Variants in CNTLN observed in about 807,000 individuals in gnomAD.
CNTLN encodes the protein centlein, centrosomal protein.
CNTLN carries 212 observed loss-of-function variants against 180.0 expected under a neutral mutation model. The observed-to-expected ratio is 1.18, with a 90% CI of 1.05 to 1.32. The LOEUF (loss-of-function observed/expected upper bound fraction) is 1.32, where lower values mean the gene tolerates loss of function less well. CNTLN is among the 40% of genes most tolerant of loss of function. The probability of loss-of-function intolerance (pLI) is 0.00; values close to 1 mark genes in which losing one functional copy is unlikely to be tolerated. For missense variants in CNTLN, 2,095 were observed against 1,610.9 expected (o/e 1.30, Z -5.14); for synonymous variants, 722 against 563.1 (o/e 1.28, Z -3.99).
intron 18 of CNTLN, among the ~76,000 whole-genome samples, chr9:17,423,367 G>A (rs1049524506): frequency 6.6e-6 from 1 of 152,102 alleles, no homozygotes; most frequent in Non-Finnish European, 1.5e-5. Context: ...GCTAGGGCCT[G>A]GAATCTGGGG....
At chr9:17,304,738 A>C (rs1818591418) in intron 7 of CNTLN, among the ~76,000 whole-genome samples, 1 of 152,192 alleles carries the variant, frequency 6.6e-6, no homozygotes. Context: ...AATAAAAATT[A>C]ATAAGAAAAA....
chr9:17,139,671 AG>A (rs1817954711), intron 1 of CNTLN, among the ~76,000 whole-genome samples: 1 of 151,664 alleles, frequency 6.6e-6, no homozygotes, highest in African/African-American at 2.4e-5. Context: ...AAAAAAAAAA[AG>A]GAATTTTATA....
intron 18 of CNTLN, among the ~76,000 whole-genome samples, chr9:17,432,527 AAAG>A (rs1404071440): frequency 1.3e-5 from 2 of 152,168 alleles, no homozygotes; most frequent in East Asian, 1.9e-4. Flanking sequence ...ATGAAGGGAA[AAAG>A]AAGGTCTGTC....
chr9:17,251,554 T>C (rs928961992), intron 5 of CNTLN, among the ~76,000 whole-genome samples: 2 of 152,062 alleles, frequency 1.3e-5, no homozygotes, highest in Middle Eastern at 3.4e-3. Flanking sequence ...TTCAGTTGTA[T>C]TTTTCAGCTC....
At chr9:17,279,599 T>C (rs559510488) in intron 6 of CNTLN, among the ~76,000 whole-genome samples, 101 of 151,708 alleles carry the variant, frequency 6.7e-4, no homozygotes, top group Admixed American at 2.2e-3. Context: ...GAAGAAGCCA[T>C]AGATCTTTGT....
At chr9:17,492,166 T>G (rs1001788144) in intron 25 of CNTLN, among the ~76,000 whole-genome samples, 1 of 152,094 alleles carries the variant, frequency 6.6e-6, no homozygotes, top group Non-Finnish European at 1.5e-5. Context: ...GTAAGCCTAC[T>G]TTCGTATCAC....
rs370567711 is a variant in CNTLN at position 17,135,266 on chromosome 9, A to G, written c.201A>G (p.Arg67=). The G allele has an allele frequency of 2.2e-4, 360 of 1,602,510 alleles. 1 individual carries two copies. Among genetic ancestry groups the G allele is most frequent in the Middle Eastern group, 5.0e-4 (3 of 6,040 alleles). The change falls in exon 1 of 26, where the codon CGA becomes CGG. Residue 67 remains arginine, a synonymous_variant. Transcript: ENST00000380647. The stretch of plus-strand genomic sequence containing the variant: ...GTGAAGAAGGGTCAGGGGGCCGGCG[A>G]GGGCCTGGGGGGGCAGCTCCGGCTC... The part of the protein sequence containing the change: ...WVGEEGSGGR[R]GPGGAAPAHA...
chr9:17,449,772 A>C (rs191228219), intron 18 of CNTLN, among the ~76,000 whole-genome samples: 1 of 152,338 alleles, frequency 6.6e-6, no homozygotes, highest in East Asian at 1.9e-4. Context: ...AGTTATTCAG[A>C]TTATTTTGAA....
intron 12 of CNTLN, among the ~76,000 whole-genome samples, chr9:17,357,621 C>CATAT (rs10668396): frequency 5.9e-4 from 86 of 146,060 alleles, no homozygotes; most frequent in Middle Eastern, 3.6e-3. Context: ...ATAAATACTA[C>CATAT]ATATATATAT....
At chr9:17,523,389 A>G in the CNTLN span, among the ~76,000 whole-genome samples, 4 of 152,132 alleles carry the variant, frequency 2.6e-5, no homozygotes, top group African/African-American at 9.6e-5. Context: ...GGTGTCCACC[A>G]CCACACCTGT....
chr9:17,219,151 C>T (rs1823961973), intron 2 of CNTLN, among the ~76,000 whole-genome samples: 1 of 151,956 alleles, frequency 6.6e-6, no homozygotes, highest in Non-Finnish European at 1.5e-5. Flanking sequence ...TCTTCGCTCA[C>T]ATCATTATTG....
chr9:17,247,609 G>C (rs1825868972), intron 5 of CNTLN, among the ~76,000 whole-genome samples: 1 of 152,150 alleles, frequency 6.6e-6, no homozygotes, highest in Admixed American at 6.5e-5. Context: ...TTGCTCACCT[G>C]AGTTTTGGTT....
intron 25 of CNTLN, among the ~76,000 whole-genome samples, chr9:17,490,744 A>G (rs1436339064): frequency 6.6e-6 from 1 of 152,066 alleles, no homozygotes; most frequent in Non-Finnish European, 1.5e-5. Flanking sequence ...TCTCCACTTA[A>G]AACAGTTAAC....
intron 6 of CNTLN, among the ~76,000 whole-genome samples, chr9:17,285,351 T>A (rs62558326): frequency 6.7e-6 from 1 of 148,308 alleles, no homozygotes; most frequent in Non-Finnish European, 1.5e-5. Flanking sequence ...TTTTTATGGC[T>A]GCATAGTATT....
chr9:17,500,474 C>T (rs1019461351), intron 25 of CNTLN, among the ~76,000 whole-genome samples: 3 of 152,142 alleles, frequency 2.0e-5, no homozygotes, highest in African/African-American at 7.2e-5. Context: ...GACATTATTA[C>T]ACAGGAAATG....
chr9:17,474,671 C>G (rs1390461097), intron 23 of CNTLN, among the ~76,000 whole-genome samples: 1 of 152,068 alleles, frequency 6.6e-6, no homozygotes, highest in East Asian at 1.9e-4. Context: ...GAGTTCAAGA[C>G]CAGCCTGGCC....
intron 2 of CNTLN, among the ~76,000 whole-genome samples, chr9:17,196,573 C>CT (rs1328077551): frequency 6.6e-6 from 1 of 151,870 alleles, no homozygotes; most frequent in Admixed American, 6.6e-5. Flanking sequence ...CCACTGAAGA[C>CT]TTTAAAAAAT....
intron 2 of CNTLN, among the ~76,000 whole-genome samples, chr9:17,171,100 T>G (rs1820392825): frequency 6.6e-6 from 1 of 152,256 alleles, no homozygotes; most frequent in Non-Finnish European, 1.5e-5. Flanking sequence ...TCCTTGTTGT[T>G]AAGTTACACG....
chr9:17,318,402 G>A (rs957734058), intron 8 of CNTLN, among the ~76,000 whole-genome samples: 1 of 152,170 alleles, frequency 6.6e-6, no homozygotes, highest in African/African-American at 2.4e-5. Context: ...AGGAAGAGAG[G>A]AGGGAGACAA....
Sources: gnomAD v4.1 joint callset for allele counts (sites outside exome capture counted in the v4.1 genomes callset) on GRCh38, gnomAD v4.1.1 for gene constraint, MANE v1.5 for transcripts, NCBI Gene and HGNC (gene_info 2026-07-23, HGNC 2026-07-21) for gene names.